The following ZNF804A variants were observed in gnomAD, a reference collection of about 807,000 sequenced individuals.
The protein encoded by ZNF804A is zinc finger protein 804A.
Under a neutral mutation model 16.5 loss-of-function variants are expected in ZNF804A, and 2 were observed. That is an observed-to-expected ratio of 0.12 (90% CI 0.05 to 0.38). The LOEUF is 0.38. ZNF804A is among the 10% of genes least tolerant of loss of function. The probability of loss-of-function intolerance (pLI) is 0.99; values close to 1 mark genes in which losing one functional copy is unlikely to be tolerated. For missense variants in ZNF804A, 1,473 were observed against 1,390.7 expected, an observed-to-expected ratio of 1.06 and a Z score of -0.94; for synonymous variants, 534 against 489.6, an observed-to-expected ratio of 1.09 and a Z score of -1.20.
intron 1 of ZNF804A, among the ~76,000 whole-genome samples, chr2:184,678,230 C>G (rs983241490): frequency 2.0e-5 from 3 of 151,796 alleles, no homozygotes; most frequent in African/African-American, 4.8e-5. Context: ...AAGAAGAAAA[C>G]TTTTATGTGG....
intron 1 of ZNF804A, among the ~76,000 whole-genome samples, chr2:184,865,451 C>A (rs1010688619): frequency 1.3e-5 from 2 of 152,026 alleles, no homozygotes; most frequent in Non-Finnish European, 2.9e-5. Context: ...GGGGAACCAA[C>A]AGGTTCAGAG....
At chr2:184,886,511 C>T (rs971742846) in intron 2 of ZNF804A, among the ~76,000 whole-genome samples, 3 of 152,216 alleles carry the variant, frequency 2.0e-5, no homozygotes, top group Admixed American at 6.5e-5. Flanking sequence ...GGGCTCCAAT[C>T]CCACATTCCC....
intron 1 of ZNF804A, among the ~76,000 whole-genome samples, chr2:184,624,502 G>A (rs1691467782): frequency 6.6e-6 from 1 of 152,124 alleles, no homozygotes; most frequent in African/African-American, 2.4e-5. Context: ...CACTAGCAAT[G>A]ATTCTATAAA....
chr2:184,686,071 A>G (rs1474297997), intron 1 of ZNF804A, among the ~76,000 whole-genome samples: 1 of 152,208 alleles, frequency 6.6e-6, no homozygotes, highest in Non-Finnish European at 1.5e-5. Context: ...GCTTGGCCAC[A>G]ACTTTGCTCC....
chr2:184,870,275 T>A (rs374581460), intron 2 of ZNF804A, among the ~76,000 whole-genome samples: 28 of 152,068 alleles, frequency 1.8e-4, no homozygotes, highest in African/African-American at 6.7e-4. Flanking sequence ...CTTTGGAAAA[T>A]GGAAAATGAT....
chr2:184,604,082 C>T (rs558766897), intron 1 of ZNF804A, among the ~76,000 whole-genome samples: 1 of 140,700 alleles, frequency 7.1e-6, no homozygotes, highest in Non-Finnish European at 1.5e-5. Flanking sequence ...ATTTGAATAG[C>T]GATATAATGT....
At chr2:184,927,900 G>A (rs888172690) in intron 2 of ZNF804A, among the ~76,000 whole-genome samples, 43 of 152,224 alleles carry the variant, frequency 2.8e-4, no homozygotes, top group African/African-American at 1.0e-3. Flanking sequence ...GGCCCAAGGC[G>A]GATCCAGAAA....
rs1327035769 is a variant in ZNF804A, at chr2:184,936,673, T to C, written c.1277T>C (p.Val426Ala). ...TGCAAAAGACAATGTGAGCCATTTG[T>C]ACCTGTCCTTAACAAACACAGATCT... ...NFCKRQCEPFVPVLNKHRSTV... is the reference protein window; with the variant it reads ...NFCKRQCEPFAPVLNKHRSTV... The change falls in exon 4 of 4, where the codon GTA (valine) becomes GCA (alanine). Residue 426 changes from valine to alanine, a missense_variant. Physicochemically the swap from Val to Ala is moderately conservative, Grantham distance 64. Coordinates refer to ENST00000302277, the MANE Select transcript of ZNF804A (RefSeq NM_194250.2). 5 of 1,613,882 alleles carry C rather than the reference T, an allele frequency of 3.1e-6. No homozygotes were observed. The highest frequency in any genetic ancestry group is 1.7e-5 in the Admixed American group (1 of 59,968).
chr2:184,808,914 C>A (rs533090963), intron 1 of ZNF804A, among the ~76,000 whole-genome samples: 26 of 150,626 alleles, frequency 1.7e-4, no homozygotes, highest in African/African-American at 6.4e-4. Flanking sequence ...TGCAAAAAAA[C>A]AAAACAAAGC....
At position 184,785,629 on chromosome 2, in the gene ZNF804A, G is replaced by T. The variant is rs565529388; in HGVS notation, c.112-80740G>T. Among the ~76,000 whole-genome samples the T allele has an allele frequency of 1.6e-4, 24 of 152,090 alleles. No homozygotes were observed. In the Middle Eastern group the frequency reaches 0.01, roughly 65 times the overall value. On this transcript the variant is annotated intron_variant, in intron 1 of 3. Coordinates refer to ENST00000302277, the MANE Select transcript of ZNF804A (RefSeq NM_194250.2). ...GAAAATCCAATTCAAGTCTGGCTAA[G>T]ATTAGTAAGAACAAGAAGGTTGCAA...
chr2:184,754,600 A>G (rs992621847), intron 1 of ZNF804A, among the ~76,000 whole-genome samples: 9 of 151,914 alleles, frequency 5.9e-5, no homozygotes, highest in African/African-American at 2.2e-4. Flanking sequence ...ATGAAGGTAA[A>G]TATCTCGAAT....
chr2:184,705,438 G>A (rs181123089), intron 1 of ZNF804A, among the ~76,000 whole-genome samples: 65 of 152,208 alleles, frequency 4.3e-4, no homozygotes, highest in African/African-American at 1.3e-3. Flanking sequence ...TTTTCTAATC[G>A]TGTATATGAA....
At chr2:184,657,588 G>A (rs1692100358) in intron 1 of ZNF804A, among the ~76,000 whole-genome samples, 1 of 152,122 alleles carries the variant, frequency 6.6e-6, no homozygotes, top group South Asian at 2.1e-4. Flanking sequence ...TTCTTACAAT[G>A]TATACAATTT....
intron 1 of ZNF804A, among the ~76,000 whole-genome samples, chr2:184,743,513 G>C (rs973554375): frequency 6.6e-6 from 1 of 151,806 alleles, no homozygotes; most frequent in East Asian, 1.9e-4. Context: ...AAGTGCAATA[G>C]TATTTTAAAC....
intron 1 of ZNF804A, among the ~76,000 whole-genome samples, chr2:184,778,696 A>G (rs569588061): frequency 5.9e-5 from 9 of 151,852 alleles, no homozygotes; most frequent in East Asian, 5.8e-4. Flanking sequence ...TTCTTTAATA[A>G]TGTGCTATTA....
At chr2:184,892,112 T>C (rs1377112538) in intron 2 of ZNF804A, among the ~76,000 whole-genome samples, 2 of 152,194 alleles carry the variant, frequency 1.3e-5, no homozygotes, top group Non-Finnish European at 2.9e-5. Context: ...CATCAATGTT[T>C]ATTTTATAAT....
chr2:184,859,126 C>T (rs922965213), intron 1 of ZNF804A, among the ~76,000 whole-genome samples: 1 of 151,902 alleles, frequency 6.6e-6, no homozygotes, highest in Non-Finnish European at 1.5e-5. Context: ...GATCTTTGAC[C>T]TTCCTGTACC....
chr2:184,641,123 A>AT (rs1691789898), intron 1 of ZNF804A, among the ~76,000 whole-genome samples: 1 of 151,832 alleles, frequency 6.6e-6, no homozygotes, highest in Admixed American at 6.6e-5. Flanking sequence ...ACTGGCTAAT[A>AT]TTTGTATTTT....
intron 1 of ZNF804A, among the ~76,000 whole-genome samples, chr2:184,692,502 G>C (rs1692748694): frequency 6.6e-6 from 1 of 152,158 alleles, no homozygotes; most frequent in Non-Finnish European, 1.5e-5. Context: ...ATTACTCCTA[G>C]TCAGCGATGC....
Sources: allele counts gnomAD v4.1 joint callset (sites outside exome capture counted in the v4.1 genomes callset), GRCh38; gene constraint gnomAD v4.1.1; transcripts MANE v1.5; gene names NCBI Gene and HGNC (gene_info 2026-07-23, HGNC 2026-07-21).